RALYL: variants seen among roughly 807,000 people sequenced by gnomAD.
The protein encoded by RALYL is RNA-binding Raly-like protein.
In RALYL, 29 loss-of-function variants were observed where a neutral mutation model predicts 35.1. The ratio of observed to expected loss-of-function variants is 0.83; its 90% CI spans 0.61 to 1.13. RALYL has a LOEUF of 1.13. RALYL is among the 50% of genes most tolerant of loss of function. The probability of loss-of-function intolerance (pLI) is 0.00; values close to 1 mark genes in which losing one functional copy is unlikely to be tolerated. For synonymous variants in RALYL, 120 were observed against 127.6 expected (o/e 0.94, Z 0.40); for missense variants, 359 against 360.4 (o/e 1.00, Z 0.03).
intron 1 of RALYL, among the ~76,000 whole-genome samples, chr8:84,315,560 T>C (rs1229475234): frequency 6.6e-6 from 1 of 152,160 alleles, no homozygotes; most frequent in Non-Finnish European, 1.5e-5. Context: ...ATACGCTTCC[T>C]GAATTTTGAA....
At chr8:84,315,228 T>G (rs1843512753) in intron 1 of RALYL, among the ~76,000 whole-genome samples, 1 of 152,194 alleles carries the variant, frequency 6.6e-6, no homozygotes, top group Non-Finnish European at 1.5e-5. Flanking sequence ...TTCCCATATA[T>G]ATAAGTGAAC....
chr8:84,771,300 T>C (rs1171269496), intron 2 of RALYL, among the ~76,000 whole-genome samples: 1 of 152,080 alleles, frequency 6.6e-6, no homozygotes, highest in Non-Finnish European at 1.5e-5. Context: ...GTTTATCCTA[T>C]TAAAAATACA....
chr8:84,834,560 T>C (rs1831564578), intron 4 of RALYL, among the ~76,000 whole-genome samples: 1 of 152,178 alleles, frequency 6.6e-6, no homozygotes, highest in Non-Finnish European at 1.5e-5. Context: ...CTCCTTCTTC[T>C]TCTATGCCTT....
chr8:84,587,150 A>G (rs1812204681), intron 2 of RALYL, among the ~76,000 whole-genome samples: 1 of 152,206 alleles, frequency 6.6e-6, no homozygotes, highest in Non-Finnish European at 1.5e-5. Context: ...TTCTTGACAC[A>G]TTCTGGTGGC....
At chr8:84,813,272 C>G (rs1293140431) in intron 4 of RALYL, among the ~76,000 whole-genome samples, 1 of 152,162 alleles carries the variant, frequency 6.6e-6, no homozygotes, top group Non-Finnish European at 1.5e-5. Flanking sequence ...TGGGATGTCT[C>G]CTGGGTCCTG....
At chr8:84,374,425 A>G (rs752839988) in intron 1 of RALYL, among the ~76,000 whole-genome samples, 1 of 151,952 alleles carries the variant, frequency 6.6e-6, no homozygotes, top group Non-Finnish European at 1.5e-5. Flanking sequence ...ACACATATCA[A>G]TGTTCATTGC....
intron 5 of RALYL, among the ~76,000 whole-genome samples, chr8:84,855,135 T>C (rs1836713627): frequency 6.6e-6 from 1 of 152,170 alleles, no homozygotes; most frequent in African/African-American, 2.4e-5. Context: ...CAGGTCCCTT[T>C]TCCTTGCTCC....
chr8:84,310,842 T>C (rs1413183432), intron 1 of RALYL, among the ~76,000 whole-genome samples: 1 of 137,044 alleles, frequency 7.3e-6, no homozygotes, highest in Non-Finnish European at 1.6e-5. Context: ...GGTCAGGAGA[T>C]CGAGACCGTC....
Position 84,562,559 on chromosome 8 carries a change from A to T in RALYL, c.256+32982A>T, listed in dbSNP as rs923498761. Among the ~76,000 whole-genome samples the T allele has an allele frequency of 4.6e-5, 7 of 151,964 alleles. No homozygotes were observed. In the East Asian group the frequency reaches 1.4e-3, roughly 29 times the overall value. On this transcript the variant is annotated intron_variant, in intron 2 of 8. Coordinates refer to ENST00000521268, the MANE Select transcript of RALYL (RefSeq NM_173848.7). ...GGTGAAAGATGGTCATATAAAATGT[A>T]TGGGAAAAGATTCCTAAAAAATGGA... is the stretch of plus-strand genomic sequence containing the variant.
chr8:84,426,448 G>C (rs1002605433), intron 1 of RALYL, among the ~76,000 whole-genome samples: 1 of 149,098 alleles, frequency 6.7e-6, no homozygotes, highest in African/African-American at 2.4e-5. Flanking sequence ...CTGTGTGTGT[G>C]TGTGTGTGTG....
chr8:84,466,610 T>A (rs2051695608), intron 1 of RALYL, among the ~76,000 whole-genome samples: 1 of 150,508 alleles, frequency 6.6e-6, no homozygotes, highest in African/African-American at 2.4e-5. Context: ...TTCTCTTTTT[T>A]TGTTGTGTCT....
intron 1 of RALYL, among the ~76,000 whole-genome samples, chr8:84,261,317 T>A (rs1832256021): frequency 1.3e-5 from 2 of 152,174 alleles, no homozygotes; most frequent in Non-Finnish European, 2.9e-5. Flanking sequence ...GTTCCCATAA[T>A]CCCCACGTGT....
At chr8:84,493,523 A>G (rs1027407901) in intron 1 of RALYL, among the ~76,000 whole-genome samples, 1 of 152,146 alleles carries the variant, frequency 6.6e-6, no homozygotes, top group Admixed American at 6.6e-5. Flanking sequence ...ACTGATTTAC[A>G]TTCCCACCAA....
At chr8:84,542,765 A>G (rs1422120312) in intron 2 of RALYL, among the ~76,000 whole-genome samples, 1 of 152,202 alleles carries the variant, frequency 6.6e-6, no homozygotes, top group Non-Finnish European at 1.5e-5. Context: ...GGACTAATAC[A>G]TTATCTCACT....
chr8:84,731,346 C>A (rs367767850), intron 2 of RALYL, among the ~76,000 whole-genome samples: 1 of 152,060 alleles, frequency 6.6e-6, no homozygotes, highest in African/African-American at 2.4e-5. Context: ...GGATAAGGAT[C>A]AGAGAAGTAT....
At chr8:84,428,032 A>T (rs2046696234) in intron 1 of RALYL, among the ~76,000 whole-genome samples, 1 of 149,588 alleles carries the variant, frequency 6.7e-6, no homozygotes, top group African/African-American at 2.5e-5. Flanking sequence ...AGACTTTTTC[A>T]CCAAACAAGG....
chr8:84,458,352 T>C (rs1382778806), intron 1 of RALYL, among the ~76,000 whole-genome samples: 3 of 151,842 alleles, frequency 2.0e-5, no homozygotes, highest in Non-Finnish European at 4.4e-5. Flanking sequence ...AAAGTACAAT[T>C]CGGTATTTCC....
intron 1 of RALYL, among the ~76,000 whole-genome samples, chr8:84,516,140 A>AT (rs573624249): frequency 7.7e-4 from 117 of 152,208 alleles, no homozygotes; most frequent in African/African-American, 2.6e-3. Flanking sequence ...CCAGTCATAC[A>AT]TTTTAGATGG....
intron 8 of RALYL, among the ~76,000 whole-genome samples, chr8:84,907,515 A>G (rs1846735777): frequency 6.6e-6 from 1 of 152,112 alleles, no homozygotes; most frequent in East Asian, 1.9e-4. Context: ...TATTTCACAA[A>G]TAACTGATTT....
Sources: gnomAD v4.1 joint callset for allele counts (sites outside exome capture counted in the v4.1 genomes callset) on GRCh38, gnomAD v4.1.1 for gene constraint, MANE v1.5 for transcripts, NCBI Gene and HGNC (gene_info 2026-07-23, HGNC 2026-07-21) for gene names.